The following NRIP3 variants were observed in gnomAD, a reference collection of about 807,000 sequenced individuals.
NRIP3 encodes nuclear receptor-interacting protein 3.
NRIP3 carries 31 observed loss-of-function variants against 29.0 expected under a neutral mutation model. The ratio of observed to expected loss-of-function variants is 1.07; its 90% confidence interval spans 0.80 to 1.44. NRIP3 has a LOEUF of 1.44. NRIP3 is among the 40% of genes most tolerant of loss of function. The pLI is 0.00. For synonymous variants in NRIP3, 131 were observed against 118.3 expected, an observed-to-expected ratio of 1.11 and a Z score of -0.70; for missense variants, 314 against 297.9, an observed-to-expected ratio of 1.05 and a Z score of -0.40.
At position 8,983,257 on chromosome 11, in the gene NRIP3, C is replaced by T. The variant is rs1854450791; in HGVS notation, c.*288G>A. 1 of 508,934 alleles carries T rather than the reference C, an allele frequency of 2.0e-6. No individual in the cohort carries two copies. Among genetic ancestry groups the T allele is most frequent in the South Asian group, 2.4e-5 (1 of 40,818 alleles). The allele number at this position is 508,934 out of a possible 1,614,324, so 31.5% of individuals were successfully genotyped here. On this transcript the variant is annotated 3_prime_UTR_variant, in exon 7 of 7. Coordinates refer to ENST00000309166, the MANE Select transcript of NRIP3 (RefSeq NM_020645.3). Reference sequence around the variant, plus strand: ...TATACTTGACTAATAAAAGCAAATTCCTGGAAGAAGCAGAGAAATAGGCCA... The same window carrying T: ...TATACTTGACTAATAAAAGCAAATTTCTGGAAGAAGCAGAGAAATAGGCCA...
intron 1 of NRIP3, among the ~76,000 whole-genome samples, chr11:8,990,403 G>A (rs544202539): frequency 1.3e-5 from 2 of 152,146 alleles, no homozygotes; most frequent in African/African-American, 4.8e-5. Context: ...TGGCCCTGCT[G>A]ACTATTCCTT....
chr11:8,984,103 G>T lies in NRIP3; in HGVS notation c.584C>A (p.Ser195Tyr). 1.2e-6 allele frequency: 2 copies of T among 1,612,624 alleles called. No individual in the cohort carries two copies. Among genetic ancestry groups the T allele is most frequent in the Non-Finnish European group, 1.7e-6 (2 of 1,178,748 alleles). The stretch of plus-strand genomic sequence containing the variant: ...AGATCGGAGAGTCTGTAGACCAAGG[G>T]ACAAGTTTTTCTCATTGTCATCTAA... Reference protein sequence around the residue: ...AVVDDNEKNLSLGLQTLRSLK... With the variant: ...AVVDDNEKNLYLGLQTLRSLK... The change falls in exon 5 of 7, where the codon TCC (serine) becomes TAC (tyrosine). Residue 195 changes from serine (S) to tyrosine (Y), a missense_variant. Ser to Tyr is a moderately radical substitution (Grantham distance 144). Coordinates refer to ENST00000309166, the MANE Select transcript of NRIP3 (RefSeq NM_020645.3).
chr11:9,003,490 G>A, intron 1 of NRIP3, among the ~76,000 whole-genome samples: 1 of 152,212 alleles, frequency 6.6e-6, no homozygotes, highest in East Asian at 1.9e-4. Context: ...GAGGGCAAGA[G>A]GGCAGGGCAG....
intron 1 of NRIP3, among the ~76,000 whole-genome samples, chr11:8,999,651 T>C (rs1261241409): frequency 6.6e-6 from 1 of 152,132 alleles, no homozygotes; most frequent in African/African-American, 2.4e-5. Context: ...TCTATCACCC[T>C]CCCCCTTGCT....
At chr11:8,984,016 A>G in intron 5 of NRIP3, 47 bp from the exon 6 acceptor site, 2 of 1,600,596 alleles carry the variant, frequency 1.2e-6, no homozygotes, top group Non-Finnish European at 1.7e-6. Flanking sequence ...GTTCCTGTGT[A>G]AGAGGATACC....
rs1360091423 is a variant in NRIP3, at chr11:8,999,468, G to GT, written c.174+4293dup. Among the ~76,000 whole-genome samples, 6 of 152,142 alleles carry GT rather than the reference G, an allele frequency of 3.9e-5. No individual in the cohort carries two copies. The East Asian group carries it at 1.2e-3, about 29-fold the overall frequency. On this transcript the variant is annotated intron_variant, in intron 1 of 6. Coordinates refer to ENST00000309166, the MANE Select transcript of NRIP3 (RefSeq NM_020645.3). Reference sequence around the variant, plus strand: ...GAGTAGTCTTTTTGTAAAATAAGTCGTATGTATCATATCACCCCTCTGCTC... The same window carrying GT: ...GAGTAGTCTTTTTGTAAAATAAGTCGTTATGTATCATATCACCCCTCTGCTC...
intron 2 of NRIP3, among the ~76,000 whole-genome samples, 178 bp downstream of exon 2, chr11:8,987,940 T>G (rs1422202918): frequency 6.6e-6 from 1 of 152,230 alleles, no homozygotes; most frequent in Non-Finnish European, 1.5e-5. Flanking sequence ...TTGTTCCTTC[T>G]TCCCATAAAG....
intron 1 of NRIP3, among the ~76,000 whole-genome samples, chr11:9,001,934 G>A (rs1210624462): frequency 2.6e-5 from 4 of 152,236 alleles, no homozygotes; most frequent in Admixed American, 6.5e-5. Context: ...TCATGTGTAT[G>A]TGTCATACTC....
Position 8,981,042 on chromosome 11 carries a change from A to G in NRIP3, c.*2503T>C, listed in dbSNP as rs1854406393. 6.6e-6 allele frequency: 1 copy of G among 152,166 alleles called. No homozygotes were observed. 9.4% of individuals were successfully genotyped at this position (152,166 alleles called of 1,614,324 possible). ...CACACCCTCAATGTAAGGTACCAGA[A>G]TTTTTTAGGACTCCTGGGAAAAACT... On this transcript the variant is annotated 3_prime_UTR_variant, in exon 7 of 7. Transcript: ENST00000309166.
At chr11:8,987,490 G>A in intron 3 of NRIP3, 58 bp downstream of exon 3, 1 of 1,202,986 alleles carries the variant, frequency 8.3e-7, no homozygotes, top group Non-Finnish European at 1.2e-6. Context: ...CCATAAAATA[G>A]AGTCAAGCGA....
chr11:8,983,801 T>C, intron 6 of NRIP3, 74 bp downstream of exon 6: 4 of 1,278,516 alleles, frequency 3.1e-6, no homozygotes, highest in Non-Finnish European at 4.6e-6. Flanking sequence ...ATGTCCTGTC[T>C]GAGAACCACC....
At chr11:8,986,505 G>T (rs189723391) in intron 3 of NRIP3, among the ~76,000 whole-genome samples, 1 of 152,268 alleles carries the variant, frequency 6.6e-6, no homozygotes, top group East Asian at 1.9e-4. Context: ...ATGGGTTGGT[G>T]GATAAATACT....
Position 9,003,754 on chromosome 11 carries a change from G to C in NRIP3, c.174+8C>G. The C allele has an allele frequency of 2.8e-6, 4 of 1,409,236 alleles. No homozygotes were observed. The highest frequency in any genetic ancestry group is 3.7e-6 in the Non-Finnish European group (4 of 1,073,476). The allele number at this position is 1,409,236 out of a possible 1,614,324, so 87.3% of individuals were successfully genotyped here. ...GGGGCCGGGGCGAGAACGGCGGCGGGGGCTCACCATGTCCTTGGACGAGCC... is the reference window on the plus strand; with the variant it reads ...GGGGCCGGGGCGAGAACGGCGGCGGCGGCTCACCATGTCCTTGGACGAGCC... On this transcript the variant is annotated splice_region_variant and intron_variant, in intron 1 of 6. Coordinates refer to ENST00000309166, the MANE Select transcript of NRIP3 (RefSeq NM_020645.3).
intron 4 of NRIP3, among the ~76,000 whole-genome samples, chr11:8,984,909 T>C (rs1259333369): frequency 1.3e-5 from 2 of 152,154 alleles, no homozygotes; most frequent in Middle Eastern, 3.4e-3. Flanking sequence ...TGGAGTGCAA[T>C]GGCGCGATCT....
At position 9,003,752 on chromosome 11, in the gene NRIP3, G is replaced by A; in HGVS notation, c.174+10C>T. 1 of 1,400,894 alleles carries A rather than the reference G, an allele frequency of 7.1e-7. No homozygotes were observed. The highest frequency in any genetic ancestry group is 9.4e-7 in the Non-Finnish European group (1 of 1,068,756). The allele number at this position is 1,400,894 out of a possible 1,614,324, so 86.8% of individuals were successfully genotyped here. ...CCGGGGCCGGGGCGAGAACGGCGGC[G>A]GGGGCTCACCATGTCCTTGGACGAG... On this transcript the variant is annotated intron_variant, in intron 1 of 6. Transcript: ENST00000309166.
Position 9,003,947 on chromosome 11 carries a change from C to G in NRIP3, c.-12G>C. On this transcript the variant is annotated 5_prime_UTR_variant, in exon 1 of 7. Coordinates refer to ENST00000309166, the MANE Select transcript of NRIP3 (RefSeq NM_020645.3). ...CCTGAGTAAAACATCGCTGAGGCGC[C>G]GGCGGCCCGGTAGCCCACAGCCCCC... The G allele has an allele frequency of 6.8e-7, 1 of 1,480,044 alleles. No homozygotes were observed. Among genetic ancestry groups the G allele is most frequent in the Non-Finnish European group, 9.0e-7 (1 of 1,111,350 alleles). 91.7% of individuals were successfully genotyped at this position (1,480,044 alleles called of 1,614,324 possible). A position where few individuals can be genotyped will look rare whatever the true frequency, so the allele number is the denominator to read the frequency against.
At chr11:9,003,009 C>G (rs940673551) in intron 1 of NRIP3, among the ~76,000 whole-genome samples, 17 of 152,290 alleles carry the variant, frequency 1.1e-4, no homozygotes, top group African/African-American at 4.1e-4. Flanking sequence ...CCCAGGCCCC[C>G]TGTCCTGAGG....
Position 8,982,926 on chromosome 11 carries a change from AG to A in NRIP3, c.*618del. 2.2e-6 allele frequency: 1 copy of A among 455,554 alleles called. No homozygotes were observed. Among genetic ancestry groups the A allele is most frequent in the Non-Finnish European group, 4.4e-6 (1 of 226,708 alleles). 28.2% of individuals were successfully genotyped at this position (455,554 alleles called of 1,614,324 possible). A position where few individuals can be genotyped will look rare whatever the true frequency, so the allele number is the denominator to read the frequency against. Reference sequence around the variant, plus strand: ...GCATGGGAGTCTTGGCTTGGAAATCAGGTCTGCGTTCTTGGTCCCTTCAGTC... The same window carrying A: ...GCATGGGAGTCTTGGCTTGGAAATCAGTCTGCGTTCTTGGTCCCTTCAGTC... On this transcript the variant is annotated 3_prime_UTR_variant, in exon 7 of 7. Transcript: ENST00000309166.
chr11:9,001,981 T>C (rs923078868), intron 1 of NRIP3, among the ~76,000 whole-genome samples: 2 of 152,270 alleles, frequency 1.3e-5, no homozygotes, highest in African/African-American at 4.8e-5. Context: ...CCTTCCTCTT[T>C]GCAGCCTGCT....
Sources: gnomAD v4.1 joint callset for allele counts (sites outside exome capture counted in the v4.1 genomes callset) on GRCh38, gnomAD v4.1.1 for gene constraint, MANE v1.5 for transcripts, NCBI Gene and HGNC (gene_info 2026-07-23, HGNC 2026-07-21) for gene names.